Variants in ACSM3 observed in about 807,000 individuals in gnomAD.
The protein encoded by ACSM3 is acyl-CoA synthetase medium chain family member 3.
A neutral mutation model predicts 74.1 loss-of-function variants in ACSM3; 61 were observed. The ratio of observed to expected loss-of-function variants is 0.82; its 90% CI spans 0.67 to 1.02. The LOEUF is 1.02. ACSM3 is among the 50% of genes least tolerant of loss of function. ACSM3 has a pLI of 0.00. For missense variants in ACSM3, 660 were observed against 697.0 expected (o/e 0.95, Z 0.60); for synonymous variants, 213 against 241.5 (o/e 0.88, Z 1.09).
At chr16:20,682,360 G>C in intron 1 of ACSM3, 1 of 1,614,070 alleles carries the variant, frequency 6.2e-7, no homozygotes, top group South Asian at 1.1e-5. Context: ...CCACCTCTGA[G>C]GCAAGGGCAT....
intron 1 of ACSM3, among the ~76,000 whole-genome samples, chr16:20,716,417 C>G (rs952960120): frequency 1.3e-5 from 2 of 152,048 alleles, no homozygotes; most frequent in African/African-American, 4.8e-5. Flanking sequence ...CCTGCCACAC[C>G]ACAAATCTAA....
At position 20,790,040 on chromosome 16, in the gene ACSM3, G is replaced by C. The variant is rs556859243; in HGVS notation, c.1225-547G>C. Among the ~76,000 whole-genome samples the C allele has an allele frequency of 2.6e-5, 4 of 152,074 alleles. No individual in the cohort carries two copies. The highest frequency in any genetic ancestry group is 9.7e-5 in the African/African-American group (4 of 41,378). ...TATTACCAAAATGTGATTATTGCTG[G>C]ATGGTAAAATTTTTAAAAAATTTTA... On this transcript the variant is annotated intron_variant, in intron 9 of 13. Coordinates refer to ENST00000289416, the MANE Select transcript of ACSM3 (RefSeq NM_005622.4). The surrounding 1 kb of genome is among the most constrained non-coding windows in gnomAD (Gnocchi z 4.0).
chr16:20,786,452 G>C (rs577189298), intron 9 of ACSM3: 40 of 417,566 alleles, frequency 9.6e-5, no homozygotes, highest in Admixed American at 3.3e-4. Context: ...AGGCCAAGGC[G>C]GGAGCATCAC....
chr16:20,747,189 G>C (rs1387894625), intron 1 of ACSM3, among the ~76,000 whole-genome samples: 3 of 152,104 alleles, frequency 2.0e-5, no homozygotes, highest in Non-Finnish European at 4.4e-5. Context: ...TCAAGGGATG[G>C]GTTCCAGAGC....
chr16:20,774,747 C>A (rs1425507440), intron 2 of ACSM3, among the ~76,000 whole-genome samples: 1 of 152,222 alleles, frequency 6.6e-6, no homozygotes, highest in African/African-American at 2.4e-5. Flanking sequence ...CCCAGGCAGG[C>A]TGATCCTCAG....
intron 1 of ACSM3, among the ~76,000 whole-genome samples, chr16:20,709,052 A>G (rs1344676352): frequency 6.6e-6 from 1 of 152,210 alleles, no homozygotes; most frequent in Non-Finnish European, 1.5e-5. Context: ...AAATGGTGCT[A>G]GGCACCAACA....
chr16:20,704,660 A>G (rs1432691264), intron 1 of ACSM3, among the ~76,000 whole-genome samples: 1 of 152,224 alleles, frequency 6.6e-6, no homozygotes, highest in Non-Finnish European at 1.5e-5. Context: ...AAAGACAAAA[A>G]AAGAAGAGGC....
At chr16:20,788,586 G>T (rs1319294088) in intron 9 of ACSM3, among the ~76,000 whole-genome samples, 1 of 152,168 alleles carries the variant, frequency 6.6e-6, no homozygotes, top group Non-Finnish European at 1.5e-5. Context: ...GGCATCTGGG[G>T]ATGTGTTCCA....
intron 1 of ACSM3, chr16:20,743,861 G>A (rs1367736941): frequency 6.6e-6 from 1 of 152,048 alleles, no homozygotes; most frequent in East Asian, 1.9e-4. Context: ...CTGTCCTTAG[G>A]ATATCAAATA....
chr16:20,751,456 A>G (rs2079988586), intron 2 of ACSM3, among the ~76,000 whole-genome samples: 1 of 152,332 alleles, frequency 6.6e-6, no homozygotes, highest in East Asian at 1.9e-4. Flanking sequence ...GCTATTTTAC[A>G]TTTAAGAAAA....
chr16:20,675,871 C>T (rs545953724), intron 1 of ACSM3, among the ~76,000 whole-genome samples: 15 of 152,200 alleles, frequency 9.9e-5, no homozygotes, highest in Admixed American at 2.0e-4. Context: ...CTGGCGGCTA[C>T]GGAGTTAAAG....
intron 9 of ACSM3, among the ~76,000 whole-genome samples, chr16:20,787,008 T>C (rs900122969): frequency 2.0e-5 from 3 of 152,152 alleles, no homozygotes; most frequent in South Asian, 2.1e-4. Context: ...ATTTCCAGCC[T>C]CTCTGTATCC....
rs59655300 is a variant in ACSM3, at chr16:20,750,844, G to GTTTTTTTTTTTTTTTTTTT, written c.-96+859_-96+860insTTTTTTTTTTTTTTTTTTT. ...GAGAGAATATAAGTTTTGGAGTCAG[G>GTTTTTTTTTTTTTTTTTTT]TTTTTTTTTTTTTTTTTTGAAACGG... On this transcript the variant is annotated intron_variant, in intron 2 of 3. Coordinates refer to the ACSM3 transcript ENST00000561584. Among the ~76,000 whole-genome samples, 3 of 115,350 alleles carry GTTTTTTTTTTTTTTTTTTT rather than the reference G, an allele frequency of 2.6e-5. 1 individual carries two copies. Among genetic ancestry groups the GTTTTTTTTTTTTTTTTTTT allele is most frequent in the Non-Finnish European group, 1.7e-5 (1 of 57,706 alleles). The allele number at this position is 115,350 out of a possible 152,430, so 75.7% of individuals were successfully genotyped here.
intron 1 of ACSM3, among the ~76,000 whole-genome samples, chr16:20,692,690 A>G (rs1367523887): frequency 1.3e-5 from 2 of 152,196 alleles, no homozygotes; most frequent in South Asian, 2.1e-4. Context: ...TTGCAGGGCA[A>G]TTTCAAGGTA....
chr16:20,741,510 T>C, intron 1 of ACSM3: 6 of 414,022 alleles, frequency 1.4e-5, no homozygotes, highest in South Asian at 2.4e-5. Context: ...GACCGGTACC[T>C]TTTCTGGCCC....
chr16:20,731,136 G>A (rs1447163996), intron 1 of ACSM3, among the ~76,000 whole-genome samples: 1 of 152,164 alleles, frequency 6.6e-6, no homozygotes, highest in East Asian at 1.9e-4. Context: ...AATGTTGTGG[G>A]ATTATAGGTG....
At chr16:20,725,589 G>A (rs1020480789) in intron 1 of ACSM3, 1 of 158,006 alleles carries the variant, frequency 6.3e-6, no homozygotes, top group Non-Finnish European at 1.4e-5. Flanking sequence ...TCATCGAGGG[G>A]GCTGTCATAT....
At position 20,790,493 on chromosome 16, in the gene ACSM3, A is replaced by G. The variant is rs2080572912; in HGVS notation, c.1225-94A>G. 11 of 1,298,540 alleles carry G rather than the reference A, an allele frequency of 8.5e-6. No homozygotes were observed. The highest frequency in any genetic ancestry group is 1.5e-5 in the African/African-American group (1 of 66,344). 80.4% of individuals were successfully genotyped at this position (1,298,540 alleles called of 1,614,324 possible). On this transcript the variant is annotated intron_variant, in intron 9 of 13. Transcript: ENST00000289416. This position sits in a 1 kb window ranked among gnomAD's most constrained non-coding sequence, Gnocchi z 4.0. ...ATTTTTTTTAAGTCTTCATTTTTAA[A>G]TGGCAAAAGCCAAAATAAAACTTGC... is the stretch of plus-strand genomic sequence containing the variant.
chr16:20,728,614 G>A, intron 1 of ACSM3: 1 of 414,732 alleles, frequency 2.4e-6, no homozygotes, highest in Non-Finnish European at 4.4e-6. Context: ...GTAAAATGCA[G>A]AGACTATCAC....
Sources: gnomAD v4.1 joint callset for allele counts (sites outside exome capture counted in the v4.1 genomes callset) on GRCh38, gnomAD v4.1.1 for gene constraint, Gnocchi (gnomAD v3.1) non-coding constraint, MANE v1.5 for transcripts, NCBI Gene and HGNC (gene_info 2026-07-23, HGNC 2026-07-21) for gene names.